Variants in CCDC57 observed in about 807,000 individuals in gnomAD.
The protein encoded by CCDC57 is coiled-coil domain containing 57.
Under a neutral mutation model 118.9 loss-of-function variants are expected in CCDC57, and 118 were observed. That is an observed-to-expected ratio of 0.99 (90% CI 0.86 to 1.16). CCDC57 has a LOEUF of 1.16. Among genes scored for constraint, CCDC57 ranks in the 50% most tolerant of loss-of-function variants. The pLI is 0.00. For synonymous variants in CCDC57, 527 were observed against 532.9 expected (o/e 0.99, Z 0.15); for missense variants, 1,300 against 1,320.7 (o/e 0.98, Z 0.24).
At chr17:82,157,493 T>G (rs1433323572) in intron 15 of CCDC57, 5 of 1,412,928 alleles carry the variant, frequency 3.5e-6, no homozygotes, top group South Asian at 1.6e-5. Flanking sequence ...AGGACTGGGA[T>G]GGGCCCGTCC....
chr17:82,181,364 A>G (rs540082733), intron 9 of CCDC57, among the ~76,000 whole-genome samples: 24 of 152,254 alleles, frequency 1.6e-4, no homozygotes, highest in Non-Finnish European at 2.8e-4. Flanking sequence ...TGGGAGTCAT[A>G]GTGCTGAGTC....
chr17:82,138,384 G>A (rs529058457), intron 16 of CCDC57, among the ~76,000 whole-genome samples: 32 of 151,792 alleles, frequency 2.1e-4, no homozygotes, highest in Admixed American at 6.6e-4. Context: ...TCCTGACCTC[G>A]TGATCTACCT....
intron 16 of CCDC57, among the ~76,000 whole-genome samples, chr17:82,149,160 A>AGGTGGGTGGATGGATG (rs1256165797): frequency 8.5e-6 from 1 of 117,282 alleles, no homozygotes; most frequent in Non-Finnish European, 1.7e-5. Flanking sequence ...ATGAATAAAT[A>AGGTGGGTGGATGGATG]GGTGGGTGGA....
rs554389365 is a variant in CCDC57 at position 82,132,317 on chromosome 17, C to G, written c.2577+1756G>C. Among the ~76,000 whole-genome samples the G allele has an allele frequency of 2.0e-3, 306 of 152,120 alleles. 4 individuals are homozygous for G. The highest frequency in any genetic ancestry group is 7.1e-3 in the African/African-American group (296 of 41,458). ...GAAAACCCCAAAATCAATGCAGAAG[C>G]TGAACTTCTCAAGGCTGCAACATGA... On this transcript the variant is annotated intron_variant, in intron 17 of 19. Coordinates refer to ENST00000665763, the Ensembl canonical transcript of CCDC57.
intron 19 of CCDC57, among the ~76,000 whole-genome samples, chr17:82,108,239 ATG>A (rs2035003682): frequency 6.6e-6 from 1 of 152,178 alleles, no homozygotes; most frequent in South Asian, 2.1e-4. Flanking sequence ...TCCTAGTGAG[ATG>A]AGTGTCATGG....
At chr17:82,133,168 C>T (rs998495761) in intron 17 of CCDC57, among the ~76,000 whole-genome samples, 9 of 151,944 alleles carry the variant, frequency 5.9e-5, no homozygotes, top group African/African-American at 1.7e-4. Context: ...CCCAGGAGTT[C>T]AAGACCAGCC....
intron 16 of CCDC57, among the ~76,000 whole-genome samples, chr17:82,137,815 A>C (rs2145492804): frequency 6.6e-6 from 1 of 151,444 alleles, no homozygotes; most frequent in East Asian, 2.0e-4. Context: ...CTGGGATTAC[A>C]GGCACCCGCC....
chr17:82,186,211 G>C (rs1170788503), intron 8 of CCDC57, among the ~76,000 whole-genome samples: 1 of 152,190 alleles, frequency 6.6e-6, no homozygotes, highest in Non-Finnish European at 1.5e-5. Context: ...ACAAGCTTTA[G>C]AATGTAGAAG....
At chr17:82,125,540 G>T (rs1270537278) in intron 19 of CCDC57, among the ~76,000 whole-genome samples, 3 of 151,836 alleles carry the variant, frequency 2.0e-5, no homozygotes, top group Non-Finnish European at 2.9e-5. Context: ...CAGGCCCAGT[G>T]AATTTTTGTA....
chr17:82,199,988 A>G (rs2048800744), intron 3 of CCDC57, among the ~76,000 whole-genome samples: 1 of 152,206 alleles, frequency 6.6e-6, no homozygotes, highest in African/African-American at 2.4e-5. Context: ...CGCTCAGGGT[A>G]CATCTGCTGC....
intron 2 of CCDC57, among the ~76,000 whole-genome samples, chr17:82,203,884 C>T (rs537907637): frequency 6.6e-6 from 1 of 152,222 alleles, no homozygotes; most frequent in African/African-American, 2.4e-5. Flanking sequence ...TCTGTATCTC[C>T]GGGCACCTCT....
At chr17:82,186,890 C>T (rs1016579164) in intron 8 of CCDC57, among the ~76,000 whole-genome samples, 4 of 151,708 alleles carry the variant, frequency 2.6e-5, no homozygotes, top group African/African-American at 9.7e-5. Flanking sequence ...TACAGCAAGC[C>T]GTGATCGCAC....
At chr17:82,103,719 T>C (rs1010745961) in intron 19 of CCDC57, among the ~76,000 whole-genome samples, 1 of 151,366 alleles carries the variant, frequency 6.6e-6, no homozygotes, top group Non-Finnish European at 1.5e-5. Flanking sequence ...GGGAGGGGGG[T>C]GAAGGGCCTG....
In CCDC57 at chr17:82,107,419, C is replaced by T. The variant is rs116231390; in HGVS notation, c.2900-5553G>A. The T allele has an allele frequency of 4.0e-3, 1,898 of 468,834 alleles. 27 individuals are homozygous for T. Among genetic ancestry groups the T allele is most frequent in the African/African-American group, 0.035 (1,754 of 50,060 alleles). 29.0% of individuals were successfully genotyped at this position (468,834 alleles called of 1,614,324 possible). Reference sequence around the variant, plus strand: ...CCTCGAACCCTGCTGTGTGGCTTGTCACCCTCCATGGCGTCTCTGCGCCTC... The same window carrying T: ...CCTCGAACCCTGCTGTGTGGCTTGTTACCCTCCATGGCGTCTCTGCGCCTC... On this transcript the variant is annotated intron_variant, in intron 19 of 19. Coordinates refer to ENST00000665763, the Ensembl canonical transcript of CCDC57.
chr17:82,204,559 G>A (rs8067636), intron 2 of CCDC57, among the ~76,000 whole-genome samples: 3,948 of 152,238 alleles, frequency 0.026, 170 homozygotes, highest in African/African-American at 0.09. Flanking sequence ...CGAGGCGGGC[G>A]GATCATAAGG....
exon 17 of CCDC57, chr17:82,134,127 C>A: frequency 7.1e-7 from 1 of 1,400,536 alleles, no homozygotes; most frequent in Non-Finnish European, 9.3e-7. Flanking sequence ...GATCCAAAGG[C>A]CTCCTGGGCT....
rs1277724721 is a variant in CCDC57, at chr17:82,118,489, A to C, written c.2899+9203T>G. ...AGGTGCTCCGGAACTTGCGGGGCTT[A>C]GCTGCCCACACACGTGGGACAGACT... On this transcript the variant is annotated intron_variant, in intron 19 of 19. Transcript: ENST00000665763. The surrounding 1 kb of genome is among the most constrained non-coding windows in gnomAD (Gnocchi z 4.7). 2.0e-5 allele frequency among the ~76,000 whole-genome samples: 3 copies of C among 152,158 alleles called. No individual in the cohort carries two copies. The highest frequency in any genetic ancestry group is 7.2e-5 in the African/African-American group (3 of 41,442).
chr17:82,195,887 T>C (rs1167880923), intron 4 of CCDC57, among the ~76,000 whole-genome samples: 2 of 152,168 alleles, frequency 1.3e-5, no homozygotes, highest in African/African-American at 4.8e-5. Context: ...GCTGCCCAAG[T>C]TTCCCCTAGT....
chr17:82,157,952 G>A lies in CCDC57; in HGVS notation c.2041-4C>T. 1.3e-6 allele frequency: 2 copies of A among 1,551,780 alleles called. No homozygotes were observed. Among genetic ancestry groups the A allele is most frequent in the Non-Finnish European group, 1.7e-6 (2 of 1,148,052 alleles). ...GCTCCAGGGGTTCCCGCAGCACCTA[G>A]GGGTCATTTCAAAGGCAGTGTGAGG... On this transcript the variant is annotated splice_region_variant and splice_polypyrimidine_tract_variant and intron_variant, in intron 14 of 19. Coordinates refer to ENST00000665763, the Ensembl canonical transcript of CCDC57.
Sources: allele counts gnomAD v4.1 joint callset (sites outside exome capture counted in the v4.1 genomes callset), GRCh38; gene constraint gnomAD v4.1.1; non-coding constraint Gnocchi (gnomAD v3.1); transcripts MANE v1.5; gene names NCBI Gene and HGNC (gene_info 2026-07-23, HGNC 2026-07-21).